The following FOXJ3 variants were observed in gnomAD, a reference collection of about 807,000 sequenced individuals.
FOXJ3 encodes forkhead box protein J3.
In FOXJ3, 22 loss-of-function variants were observed where a neutral mutation model predicts 76.1. The observed-to-expected ratio is 0.29, with a 90% confidence interval of 0.21 to 0.41. The LOEUF is 0.41. FOXJ3 is among the 10% of genes least tolerant of loss of function. The pLI, the probability that FOXJ3 is intolerant of heterozygous loss-of-function variation, is 1.00. For missense variants in FOXJ3, 613 were observed against 762.1 expected, an observed-to-expected ratio of 0.80 and a Z score of 2.30; for synonymous variants, 269 against 261.2, an observed-to-expected ratio of 1.03 and a Z score of -0.29.
chr1:42,187,383 A>G (rs1292654208), intron 11 of FOXJ3, among the ~76,000 whole-genome samples: 1 of 152,234 alleles, frequency 6.6e-6, no homozygotes, highest in Non-Finnish European at 1.5e-5. Flanking sequence ...ATGAACACAG[A>G]AAGAAAAGAG....
At chr1:42,211,546 T>C (rs192679092) in intron 5 of FOXJ3, among the ~76,000 whole-genome samples, 15 of 152,110 alleles carry the variant, frequency 9.9e-5, no homozygotes, top group Non-Finnish European at 1.8e-4. Flanking sequence ...CACTGGGGTA[T>C]TGCCTTTACC....
intron 4 of FOXJ3, among the ~76,000 whole-genome samples, chr1:42,242,039 C>T (rs1383416938): frequency 6.6e-6 from 1 of 152,092 alleles, no homozygotes; most frequent in African/African-American, 2.4e-5. Flanking sequence ...CATATGGAGA[C>T]TACACTGCTA....
At chr1:42,225,902 A>G (rs1162937414) in intron 5 of FOXJ3, among the ~76,000 whole-genome samples, 1 of 152,248 alleles carries the variant, frequency 6.6e-6, no homozygotes, top group African/African-American at 2.4e-5. Flanking sequence ...TAATAAAACA[A>G]GGTAACAAGA....
chr1:42,243,010 C>A (rs1464153690), intron 4 of FOXJ3, among the ~76,000 whole-genome samples: 1 of 152,176 alleles, frequency 6.6e-6, no homozygotes, highest in Non-Finnish European at 1.5e-5. Flanking sequence ...AGAAACCTTA[C>A]AGACCAGGAG....
chr1:42,216,181 A>G (rs1264912463), intron 5 of FOXJ3, among the ~76,000 whole-genome samples: 1 of 152,116 alleles, frequency 6.6e-6, no homozygotes, highest in Non-Finnish European at 1.5e-5. Flanking sequence ...GGACCTTCTG[A>G]AACAAATGAA....
intron 1 of FOXJ3, among the ~76,000 whole-genome samples, chr1:42,333,478 T>A (rs909529733): frequency 5.3e-5 from 8 of 152,098 alleles, no homozygotes; most frequent in Admixed American, 5.2e-4. Flanking sequence ...ACCAAGAAGA[T>A]TCACCTCAAT....
intron 3 of FOXJ3, among the ~76,000 whole-genome samples, chr1:42,267,217 A>C (rs750798358): frequency 2.6e-5 from 4 of 152,180 alleles, no homozygotes; most frequent in Non-Finnish European, 5.9e-5. Context: ...TACCAAAAGC[A>C]TACCACTGAA....
intron 2 of FOXJ3, among the ~76,000 whole-genome samples, chr1:42,281,336 A>G (rs1052114448): frequency 6.6e-6 from 1 of 152,200 alleles, no homozygotes; most frequent in African/African-American, 2.4e-5. Flanking sequence ...GTTCAGGAAA[A>G]GGAATAAACA....
At chr1:42,297,762 C>T (rs1038133556) in intron 2 of FOXJ3, among the ~76,000 whole-genome samples, 1 of 151,802 alleles carries the variant, frequency 6.6e-6, no homozygotes, top group African/African-American at 2.4e-5. Context: ...GTGTCCTCAC[C>T]TGACTTTGAT....
chr1:42,282,969 C>G (rs1652821792), intron 2 of FOXJ3, among the ~76,000 whole-genome samples: 1 of 152,106 alleles, frequency 6.6e-6, no homozygotes, highest in Non-Finnish European at 1.5e-5. Flanking sequence ...TGCTCCTCCC[C>G]AAACAAGTGA....
chr1:42,271,932 T>G (rs1651895108), intron 3 of FOXJ3, among the ~76,000 whole-genome samples: 1 of 152,172 alleles, frequency 6.6e-6, no homozygotes, highest in Admixed American at 6.6e-5. Context: ...GCATGAGCCA[T>G]GAGCCCCCAC....
At chr1:42,242,484 G>A (rs1346401948) in intron 4 of FOXJ3, among the ~76,000 whole-genome samples, 2 of 150,826 alleles carry the variant, frequency 1.3e-5, no homozygotes, top group Non-Finnish European at 2.9e-5. Flanking sequence ...ATTCATTTGA[G>A]AGCTTCGACA....
intron 2 of FOXJ3, among the ~76,000 whole-genome samples, chr1:42,279,316 G>A (rs568650851): frequency 9.2e-5 from 14 of 152,276 alleles, no homozygotes; most frequent in African/African-American, 3.4e-4. Flanking sequence ...ACACTGATGA[G>A]TGAGAGAAAA....
chr1:42,324,078 T>G (rs369268031), intron 1 of FOXJ3, among the ~76,000 whole-genome samples: 6 of 71,302 alleles, frequency 8.4e-5, no homozygotes, highest in Admixed American at 7.3e-4. Flanking sequence ...AGTGTATATA[T>G]AGTATATATA....
intron 4 of FOXJ3, among the ~76,000 whole-genome samples, chr1:42,260,316 T>C (rs1242494563): frequency 6.6e-6 from 1 of 152,132 alleles, no homozygotes; most frequent in Non-Finnish European, 1.5e-5. Context: ...AATACTAATA[T>C]AGCCCCCCCA....
chr1:42,185,678 C>T (rs1646421155), intron 11 of FOXJ3, among the ~76,000 whole-genome samples: 1 of 152,034 alleles, frequency 6.6e-6, no homozygotes, highest in South Asian at 2.1e-4. Context: ...TGACTGCATT[C>T]CTACCTATAT....
chr1:42,215,244 G>T (rs1318745816), intron 5 of FOXJ3, among the ~76,000 whole-genome samples: 1 of 151,186 alleles, frequency 6.6e-6, no homozygotes, highest in African/African-American at 2.4e-5. Flanking sequence ...ATGAAATAAA[G>T]TTAAAAAAAA....
chr1:42,308,874 T>C (rs893205841), intron 2 of FOXJ3, among the ~76,000 whole-genome samples: 3 of 151,924 alleles, frequency 2.0e-5, no homozygotes, highest in African/African-American at 4.8e-5. Flanking sequence ...TATTCACATA[T>C]AGAGATTTAA....
At chr1:42,274,974 T>C (rs1424353567) in intron 3 of FOXJ3, among the ~76,000 whole-genome samples, 1 of 152,080 alleles carries the variant, frequency 6.6e-6, no homozygotes, top group Non-Finnish European at 1.5e-5. Flanking sequence ...CAGGGACAGC[T>C]AGTAGGCTGG....
Sources: allele counts gnomAD v4.1 joint callset (sites outside exome capture counted in the v4.1 genomes callset), GRCh38; gene constraint gnomAD v4.1.1; transcripts MANE v1.5; gene names NCBI Gene and HGNC (gene_info 2026-07-23, HGNC 2026-07-21).